The following CLYBL variants were observed in gnomAD, a reference collection of about 807,000 sequenced individuals.
CLYBL encodes citramalyl-CoA lyase, mitochondrial.
A neutral mutation model predicts 38.9 loss-of-function variants in CLYBL; 31 were observed. That is an observed-to-expected ratio of 0.80 (90% CI 0.60 to 1.08). CLYBL has a LOEUF of 1.08. Ranked by LOEUF, CLYBL falls within the 50% of genes least tolerant of loss-of-function variation. The pLI, the probability that CLYBL is intolerant of heterozygous loss-of-function variation, is 0.00. For missense variants in CLYBL, 434 were observed against 411.6 expected, an observed-to-expected ratio of 1.05 and a Z score of -0.47; for synonymous variants, 171 against 158.6, an observed-to-expected ratio of 1.08 and a Z score of -0.59.
intron 1 of CLYBL, among the ~76,000 whole-genome samples, chr13:99,632,784 AGGTAGAAAT>A (rs1384406997): frequency 1.3e-5 from 2 of 152,134 alleles, no homozygotes; most frequent in South Asian, 2.1e-4. Flanking sequence ...CACTAGATAG[AGGTAGAAAT>A]GGGAAAAAAG....
intron 8 of CLYBL, among the ~76,000 whole-genome samples, chr13:99,903,719 G>A (rs1368266885): frequency 6.6e-6 from 1 of 152,156 alleles, no homozygotes; most frequent in Admixed American, 6.5e-5. Context: ...CCCGTATGAA[G>A]CAAGTTTAAT....
intron 1 of CLYBL, among the ~76,000 whole-genome samples, chr13:99,607,631 A>G (rs2046548885): frequency 6.6e-6 from 1 of 152,258 alleles, no homozygotes; most frequent in Non-Finnish European, 1.5e-5. Context: ...ATGTTTATAA[A>G]GATGAAAAAA....
intron 1 of CLYBL, among the ~76,000 whole-genome samples, chr13:99,710,073 C>T (rs1220545022): frequency 6.6e-6 from 1 of 151,922 alleles, no homozygotes; most frequent in Non-Finnish European, 1.5e-5. Flanking sequence ...TACAGGCGCC[C>T]GCCACCAAGC....
intron 1 of CLYBL, among the ~76,000 whole-genome samples, chr13:99,761,487 G>C (rs2049164666): frequency 6.6e-6 from 1 of 152,190 alleles, no homozygotes; most frequent in African/African-American, 2.4e-5. Context: ...TACAATCCAT[G>C]TTGCTGCAAA....
At chr13:99,692,691 A>T (rs2047925192) in intron 1 of CLYBL, among the ~76,000 whole-genome samples, 1 of 151,944 alleles carries the variant, frequency 6.6e-6, no homozygotes, top group African/African-American at 2.4e-5. Context: ...CATTTTCCTT[A>T]CCCTAAAAGA....
chr13:99,655,285 A>C (rs187371339), intron 1 of CLYBL, among the ~76,000 whole-genome samples: 1 of 152,220 alleles, frequency 6.6e-6, no homozygotes, highest in African/African-American at 2.4e-5. Flanking sequence ...CATGTTGGCC[A>C]GGCTGGTCTT....
intron 1 of CLYBL, among the ~76,000 whole-genome samples, chr13:99,646,124 C>G (rs2047172838): frequency 6.6e-6 from 1 of 152,074 alleles, no homozygotes; most frequent in Non-Finnish European, 1.5e-5. Context: ...GACATTTTTT[C>G]CATGGGGAAA....
At chr13:99,622,612 A>G (rs1050181958) in intron 1 of CLYBL, among the ~76,000 whole-genome samples, 7 of 152,132 alleles carry the variant, frequency 4.6e-5, no homozygotes, top group Admixed American at 4.6e-4. Context: ...TACATTCACC[A>G]TATTGTGCAA....
downstream of CLYBL, chr13:99,896,658 C>T (rs2052584018): frequency 6.6e-6 from 1 of 152,250 alleles, no homozygotes; most frequent in African/African-American, 2.4e-5. Context: ...AGTCGAATCG[C>T]CCACTTTGTT....
chr13:99,866,201 A>C (rs2051737844), intron 5 of CLYBL, 39 bp from the exon 6 acceptor site: 2 of 1,600,712 alleles, frequency 1.2e-6, no homozygotes, highest in African/African-American at 2.7e-5. Flanking sequence ...CGGTTTCCAA[A>C]GTTAAAGCCT....
At chr13:99,732,855 G>A (rs1176413395) in intron 1 of CLYBL, among the ~76,000 whole-genome samples, 1 of 152,176 alleles carries the variant, frequency 6.6e-6, no homozygotes, top group East Asian at 1.9e-4. Context: ...TTCTGTGTCA[G>A]TGTTTTTCAT....
rs191313008 is a variant in CLYBL, at chr13:99,850,507, C to A, written c.250-8354C>A. Among the ~76,000 whole-genome samples, 188 of 152,254 alleles carry A rather than the reference C, an allele frequency of 1.2e-3. 1 individual carries two copies. The highest frequency in any genetic ancestry group is 3.8e-3 in the African/African-American group (158 of 41,540). Reference sequence around the variant, plus strand: ...CTGTGACCAAAAACAAACCCTGTATCAATAAAATAGAAAATAGCAAGTGTT... The same window carrying A: ...CTGTGACCAAAAACAAACCCTGTATAAATAAAATAGAAAATAGCAAGTGTT... On this transcript the variant is annotated intron_variant, in intron 2 of 8. Coordinates refer to ENST00000339105, the MANE Select transcript of CLYBL (RefSeq NM_206808.5).
intron 1 of CLYBL, among the ~76,000 whole-genome samples, chr13:99,611,072 G>T (rs958467668): frequency 1.3e-5 from 2 of 152,184 alleles, no homozygotes; most frequent in East Asian, 1.9e-4. Flanking sequence ...CATGCTGCTG[G>T]TTTTCACTGT....
chr13:99,709,523 T>A (rs540828640), intron 1 of CLYBL, among the ~76,000 whole-genome samples: 1 of 152,356 alleles, frequency 6.6e-6, no homozygotes, highest in African/African-American at 2.4e-5. Flanking sequence ...TTTCTTTTTT[T>A]ACAAAATAGC....
chr13:99,658,832 T>C (rs1208742366), intron 1 of CLYBL, among the ~76,000 whole-genome samples: 1 of 152,218 alleles, frequency 6.6e-6, no homozygotes, highest in Admixed American at 6.5e-5. Flanking sequence ...CAGAGCCTCT[T>C]TTTTTATGCA....
chr13:99,678,236 C>T (rs1218897059), intron 1 of CLYBL, among the ~76,000 whole-genome samples: 4 of 152,222 alleles, frequency 2.6e-5, no homozygotes, highest in Non-Finnish European at 5.9e-5. Flanking sequence ...CTAACATCTG[C>T]ACTGCGGCAG....
intron 1 of CLYBL, among the ~76,000 whole-genome samples, chr13:99,664,040 TAAAGG>T (rs2047445778): frequency 6.6e-6 from 1 of 152,344 alleles, no homozygotes; most frequent in Non-Finnish European, 1.5e-5. Context: ...TTTATAAACT[TAAAGG>T]AAAAAGAGAA....
chr13:99,772,129 T>G (rs1483911056), intron 1 of CLYBL, among the ~76,000 whole-genome samples: 1 of 152,184 alleles, frequency 6.6e-6, no homozygotes, highest in East Asian at 1.9e-4. Flanking sequence ...CTTTTTTACT[T>G]TTAGGTATAA....
At chr13:99,800,907 C>CAA (rs66941924) in intron 2 of CLYBL, among the ~76,000 whole-genome samples, 21 of 139,228 alleles carry the variant, frequency 1.5e-4, no homozygotes, top group African/African-American at 5.7e-4. Context: ...AAAAAAAAAA[C>CAA]AAAAAAAAAA....
Sources: gnomAD v4.1 joint callset for allele counts (sites outside exome capture counted in the v4.1 genomes callset) on GRCh38, gnomAD v4.1.1 for gene constraint, MANE v1.5 for transcripts, NCBI Gene and HGNC (gene_info 2026-07-23, HGNC 2026-07-21) for gene names.